The following TMEM117 variants were observed in gnomAD, a reference collection of about 807,000 sequenced individuals.
The protein encoded by TMEM117 is transmembrane protein 117.
TMEM117 carries 27 observed loss-of-function variants against 52.4 expected under a neutral mutation model. The ratio of observed to expected loss-of-function variants is 0.51; its 90% CI spans 0.38 to 0.71. The LOEUF (loss-of-function observed/expected upper bound fraction) is 0.71. TMEM117 is among the 30% of genes least tolerant of loss of function. The pLI is 0.00. For synonymous variants in TMEM117, 215 were observed against 206.3 expected (o/e 1.04, Z -0.36); for missense variants, 556 against 630.5 (o/e 0.88, Z 1.26).
intron 3 of TMEM117, among the ~76,000 whole-genome samples, chr12:44,052,129 T>G (rs1210602684): frequency 1.3e-5 from 2 of 152,210 alleles, no homozygotes; most frequent in African/African-American, 4.8e-5. Flanking sequence ...ACAATACATA[T>G]TAGCAATGCT....
chr12:44,312,768 A>T (rs1418941764), intron 6 of TMEM117, among the ~76,000 whole-genome samples: 1 of 152,148 alleles, frequency 6.6e-6, no homozygotes, highest in African/African-American at 2.4e-5. Flanking sequence ...CAGCCTCATC[A>T]GCATCTGTTA....
intron 6 of TMEM117, among the ~76,000 whole-genome samples, chr12:44,371,101 A>G (rs1356377668): frequency 6.6e-6 from 1 of 152,196 alleles, no homozygotes; most frequent in Admixed American, 6.5e-5. Context: ...AATAAGAAAC[A>G]AAAATATCAC....
chr12:43,814,695 C>T, the TMEM117 span, among the ~76,000 whole-genome samples: 3 of 151,178 alleles, frequency 2.0e-5, no homozygotes, highest in African/African-American at 4.9e-5. Context: ...GTGTACAATG[C>T]AGCAACCTTG....
intron 2 of TMEM117, among the ~76,000 whole-genome samples, chr12:43,914,889 C>T (rs1235053524): frequency 6.6e-6 from 1 of 152,094 alleles, no homozygotes; most frequent in Admixed American, 6.6e-5. Context: ...GGTATAAGTT[C>T]TGGTACCCCC....
At chr12:44,272,600 G>A (rs1950460499) in intron 5 of TMEM117, among the ~76,000 whole-genome samples, 1 of 152,186 alleles carries the variant, frequency 6.6e-6, no homozygotes, top group African/African-American at 2.4e-5. Flanking sequence ...CATTTATGCA[G>A]CCAACAGACA....
chr12:44,010,892 C>T (rs1946279481), intron 3 of TMEM117, among the ~76,000 whole-genome samples: 1 of 152,182 alleles, frequency 6.6e-6, no homozygotes, highest in Non-Finnish European at 1.5e-5. Context: ...CATTTTTGCT[C>T]TTGTTATTTT....
At chr12:44,297,718 G>T (rs183133812) in intron 5 of TMEM117, among the ~76,000 whole-genome samples, 20 of 152,196 alleles carry the variant, frequency 1.3e-4, no homozygotes, top group African/African-American at 4.8e-4. Flanking sequence ...CTTGAAAAAA[G>T]AAATTGTGGT....
chr12:44,005,511 T>C (rs1490410948), intron 3 of TMEM117, among the ~76,000 whole-genome samples: 1 of 152,228 alleles, frequency 6.6e-6, no homozygotes, highest in Non-Finnish European at 1.5e-5. Flanking sequence ...ACTGGGGTCA[T>C]CACTCTAGGC....
chr12:44,278,630 C>T (rs180848962), intron 5 of TMEM117, among the ~76,000 whole-genome samples: 1 of 152,272 alleles, frequency 6.6e-6, no homozygotes, highest in East Asian at 1.9e-4. Context: ...TATTATACTA[C>T]TTAAAAATCA....
At chr12:44,294,489 A>AT (rs1459449537) in intron 5 of TMEM117, among the ~76,000 whole-genome samples, 2 of 152,156 alleles carry the variant, frequency 1.3e-5, no homozygotes, top group Non-Finnish European at 2.9e-5. Context: ...ATGAATTTCC[A>AT]TTTTTTCTTC....
At chr12:44,172,309 A>G (rs1949057447) in intron 4 of TMEM117, among the ~76,000 whole-genome samples, 1 of 152,196 alleles carries the variant, frequency 6.6e-6, no homozygotes, top group Non-Finnish European at 1.5e-5. Flanking sequence ...TGGCAGGGCC[A>G]TGCTTCCTCT....
At position 44,011,659 on chromosome 12, in the gene TMEM117, T is replaced by TATACATACATACATAC. The variant is rs113611924; in HGVS notation, c.410+67321_410+67336dup. Among the ~76,000 whole-genome samples the TATACATACATACATAC allele has an allele frequency of 9.4e-3, 1,426 of 151,690 alleles. 20 individuals are homozygous for TATACATACATACATAC. Among genetic ancestry groups the TATACATACATACATAC allele is most frequent in the African/African-American group, 0.033 (1,373 of 41,182 alleles). On this transcript the variant is annotated intron_variant, in intron 3 of 7. Coordinates refer to ENST00000266534, the MANE Select transcript of TMEM117 (RefSeq NM_032256.3). ...AGAGTAATATAACTATATTCCTTACTATACATACATACATACATATGTATG... is the reference window on the plus strand; with the variant it reads ...AGAGTAATATAACTATATTCCTTACTATACATACATACATACATACATACATACATACATATGTATG...
At chr12:43,870,369 C>T (rs961812645) in intron 2 of TMEM117, among the ~76,000 whole-genome samples, 1 of 151,694 alleles carries the variant, frequency 6.6e-6, no homozygotes, top group Non-Finnish European at 1.5e-5. Flanking sequence ...AAGTGATTCT[C>T]CTGCTTCAGC....
At chr12:44,287,215 G>A (rs1234690241) in intron 5 of TMEM117, among the ~76,000 whole-genome samples, 3 of 152,022 alleles carry the variant, frequency 2.0e-5, no homozygotes, top group African/African-American at 7.2e-5. Flanking sequence ...CTGGAAATAT[G>A]GAATCATTAT....
chr12:44,072,648 C>T (rs1276401647), intron 3 of TMEM117, among the ~76,000 whole-genome samples: 1 of 152,136 alleles, frequency 6.6e-6, no homozygotes, highest in East Asian at 1.9e-4. Flanking sequence ...AAACAACAAA[C>T]CTCCTGAATA....
intron 3 of TMEM117, among the ~76,000 whole-genome samples, chr12:44,048,561 TA>T (rs11312353): frequency 0.014 from 2,176 of 152,318 alleles, 62 homozygotes; most frequent in African/African-American, 0.049. Context: ...CATATGCAAA[TA>T]TTTTTTTGGC....
At chr12:44,360,751 GAGGC>G (rs1951710636) in intron 6 of TMEM117, among the ~76,000 whole-genome samples, 1 of 152,116 alleles carries the variant, frequency 6.6e-6, no homozygotes, top group African/African-American at 2.4e-5. Context: ...AGATATGAAT[GAGGC>G]ATACAGCCTT....
At chr12:44,366,618 C>CATGG (rs1033239871) in intron 6 of TMEM117, among the ~76,000 whole-genome samples, 13 of 152,082 alleles carry the variant, frequency 8.5e-5, no homozygotes, top group African/African-American at 2.7e-4. Flanking sequence ...TGAAGAAAGG[C>CATGG]ATGGAAAGCC....
intron 6 of TMEM117, among the ~76,000 whole-genome samples, chr12:44,351,990 G>A (rs1366166017): frequency 6.6e-6 from 1 of 151,866 alleles, no homozygotes; most frequent in Non-Finnish European, 1.5e-5. Context: ...CCTCAGTACA[G>A]CCTTTATGCA....
Sources: gnomAD v4.1 joint callset for allele counts (sites outside exome capture counted in the v4.1 genomes callset) on GRCh38, gnomAD v4.1.1 for gene constraint, MANE v1.5 for transcripts, NCBI Gene and HGNC (gene_info 2026-07-23, HGNC 2026-07-21) for gene names.